Variants in RTKN2 observed in about 807,000 individuals in gnomAD.
The protein encoded by RTKN2 is rhotekin 2, also known as rhotekin-2.
RTKN2 carries 69 observed loss-of-function variants against 71.5 expected under a neutral mutation model. The ratio of observed to expected loss-of-function variants is 0.96; its 90% CI spans 0.79 to 1.18. The LOEUF (loss-of-function observed/expected upper bound fraction) is 1.18, where lower values mean the gene tolerates loss of function less well. RTKN2 is among the 50% of genes most tolerant of loss of function. The pLI is 0.00. For missense variants in RTKN2, 724 were observed against 719.7 expected (o/e 1.01, Z -0.07); for synonymous variants, 236 against 236.5 (o/e 1.00, Z 0.02).
intron 2 of RTKN2, among the ~76,000 whole-genome samples, chr10:62,260,892 C>A (rs527998582): frequency 6.6e-6 from 1 of 152,226 alleles, no homozygotes; most frequent in East Asian, 1.9e-4. Flanking sequence ...TCAAACTTTT[C>A]CATTGAAACT....
downstream of RTKN2, among the ~76,000 whole-genome samples, chr10:62,190,352 G>A (rs1312952765): frequency 6.6e-6 from 1 of 152,090 alleles, no homozygotes. Flanking sequence ...CCACTTACTG[G>A]GAGACTGTGA....
exon 9 of RTKN2, chr10:62,184,143 C>G (rs1841097531): frequency 4.0e-6 from 2 of 498,364 alleles, no homozygotes; most frequent in South Asian, 6.8e-5. Context: ...AAAATGTTTA[C>G]TCAATGACTC....
At chr10:62,256,698 GTGTGTC>G (rs1408471890) in intron 2 of RTKN2, among the ~76,000 whole-genome samples, 1 of 151,986 alleles carries the variant, frequency 6.6e-6, no homozygotes, top group Non-Finnish European at 1.5e-5. Context: ...GTATGCGTGT[GTGTGTC>G]TGTGTGTGTA....
Position 62,195,075 on chromosome 10 carries a change from A to C in RTKN2, c.*2833T>G. The C allele has an allele frequency of 1.0e-6, 1 of 984,344 alleles. No individual in the cohort carries two copies. Among genetic ancestry groups the C allele is most frequent in the Non-Finnish European group, 1.2e-6 (1 of 828,946 alleles). 61.0% of individuals were successfully genotyped at this position (984,344 alleles called of 1,614,324 possible). A position where few individuals can be genotyped will look rare whatever the true frequency, so the allele number is the denominator to read the frequency against. The stretch of plus-strand genomic sequence containing the variant: ...AAGATATTAAAATACAAAAGTTACC[A>C]CTTAGTAGCAATTAAAAATAATACT... On this transcript the variant is annotated 3_prime_UTR_variant, in exon 12 of 12. Coordinates refer to ENST00000373789, the MANE Select transcript of RTKN2 (RefSeq NM_145307.4).
At chr10:62,184,920 C>T (rs1841110654) in intron 8 of RTKN2, among the ~76,000 whole-genome samples, 2 of 152,146 alleles carry the variant, frequency 1.3e-5, no homozygotes, top group Admixed American at 1.3e-4. Flanking sequence ...GCCTGAAGCT[C>T]AATTAGAAAT....
In RTKN2 at chr10:62,262,735, A is replaced by C; in HGVS notation, c.147T>G (p.Asp49Glu). 1 of 1,613,262 alleles carries C rather than the reference A, an allele frequency of 6.2e-7. No individual in the cohort carries two copies. Among genetic ancestry groups the C allele is most frequent in the Non-Finnish European group, 8.5e-7 (1 of 1,179,284 alleles). Residue 49 changes from aspartate to glutamate, a missense_variant, in exon 2 of 12, where the codon GAT becomes GAG. By Grantham distance (45) the Asp-to-Glu change is conservative. Transcript: ENST00000373789. ...GATTCTTAACTGCATGTAAAACTTG[A>C]TCTTTCTGAGTGCTCAGAGAAAGGA... ...WKLLSLSTQK[D>E]QVLHAVKNLM...
rs1230143606 is a variant in RTKN2 at position 62,197,629 on chromosome 10, T to C, written c.*279A>G. ...TTCTGCCTAGGGCTTATTCACTGCC[T>C]GGTACTAATTCAGGAATAAATTAAC... On this transcript the variant is annotated 3_prime_UTR_variant, in exon 12 of 12. Transcript: ENST00000373789. 5.0e-6 allele frequency: 6 copies of C among 1,207,070 alleles called. No individual in the cohort carries two copies. In the Admixed American group the frequency reaches 2.5e-4, roughly 50 times the overall value. The allele number at this position is 1,207,070 out of a possible 1,614,324, so 74.8% of individuals were successfully genotyped here.
intron 6 of RTKN2, among the ~76,000 whole-genome samples, chr10:62,232,202 C>G (rs1477156712): frequency 6.6e-6 from 1 of 152,120 alleles, no homozygotes; most frequent in African/African-American, 2.4e-5. Flanking sequence ...AAAACAGACA[C>G]TCCAAGATCT....
chr10:62,226,547 A>G (rs1165864459), intron 6 of RTKN2, among the ~76,000 whole-genome samples: 1 of 152,220 alleles, frequency 6.6e-6, no homozygotes, highest in African/African-American at 2.4e-5. Context: ...AAAACAATGC[A>G]TGAGTACATT....
intron 10 of RTKN2, among the ~76,000 whole-genome samples, chr10:62,202,708 T>C (rs1424989624): frequency 2.0e-5 from 3 of 152,234 alleles, no homozygotes; most frequent in Admixed American, 6.5e-5. Context: ...GTCATGAGGT[T>C]CTTATTCTTT....
rs181011299 is a variant in RTKN2, at chr10:62,262,797, C to T, written c.85G>A (p.Asp29Asn). ...CCTTCTCGCATTCGAATTTCTAAGT[C>T]TATTTTTTCTTGAATGTTGCAGTCC... ...QQDCNIQEKI[D>N]LEIRMREGIW... Residue 29 changes from aspartate (D) to asparagine (N), a missense_variant, in exon 2 of 12, where the codon GAC becomes AAC. Physicochemically the swap from Asp to Asn is conservative, Grantham distance 23. Transcript: ENST00000373789. 2.4e-5 allele frequency: 38 copies of T among 1,606,844 alleles called. No homozygotes were observed. The East Asian group carries it at 7.6e-4, about 32-fold the overall frequency.
At chr10:62,186,359 C>T (rs1249798298) in intron 8 of RTKN2, among the ~76,000 whole-genome samples, 1 of 152,168 alleles carries the variant, frequency 6.6e-6, no homozygotes, top group Admixed American at 6.5e-5. Context: ...GTGAGTTAAA[C>T]TGGTGATTTA....
At chr10:62,190,139 C>T (rs113667919), downstream of RTKN2, among the ~76,000 whole-genome samples, 6 of 151,972 alleles carry the variant, frequency 3.9e-5, no homozygotes, top group South Asian at 2.1e-4. Flanking sequence ...GATCTAATTG[C>T]GAAGGAAATG....
intron 6 of RTKN2, among the ~76,000 whole-genome samples, chr10:62,230,793 A>C (rs73287430): frequency 0.021 from 3,257 of 152,246 alleles, 111 homozygotes; most frequent in African/African-American, 0.075. Context: ...GCCCCAGTGT[A>C]TTATATTGGC....
intron 9 of RTKN2, among the ~76,000 whole-genome samples, chr10:62,212,178 T>A (rs999706867): frequency 1.9e-4 from 29 of 151,792 alleles, no homozygotes; most frequent in Admixed American, 1.4e-3. Flanking sequence ...AGCTAGCTGT[T>A]TTGTAGGCAC....
intron 9 of RTKN2, among the ~76,000 whole-genome samples, chr10:62,212,033 T>C (rs1278806613): frequency 6.6e-6 from 1 of 152,150 alleles, no homozygotes; most frequent in Admixed American, 6.5e-5. Flanking sequence ...AACTGGTTTT[T>C]ATCCTTTGTT....
rs913374944 is a variant in RTKN2 at position 62,197,404 on chromosome 10, G to C, written c.*504C>G. ...CTATAAACTAGTGAGTTAAACAATA[G>C]ATGAGAGCCAGTGAACCATTAGATG... On this transcript the variant is annotated 3_prime_UTR_variant, in exon 12 of 12. Transcript: ENST00000373789. The C allele has an allele frequency of 1.0e-6, 1 of 986,108 alleles. No individual in the cohort carries two copies. Among genetic ancestry groups the C allele is most frequent in the African/African-American group, 1.7e-5 (1 of 57,220 alleles). 61.1% of individuals were successfully genotyped at this position (986,108 alleles called of 1,614,324 possible).
At chr10:62,221,706 G>A (rs1284707421) in intron 7 of RTKN2, among the ~76,000 whole-genome samples, 4 of 152,072 alleles carry the variant, frequency 2.6e-5, no homozygotes, top group African/African-American at 7.2e-5. Context: ...GTAGTAATAT[G>A]AAGTATATAG....
chr10:62,231,976 A>G (rs1352959537), intron 6 of RTKN2, among the ~76,000 whole-genome samples: 1 of 152,228 alleles, frequency 6.6e-6, no homozygotes, highest in Admixed American at 6.5e-5. Context: ...GAGTTAACCT[A>G]GTAGACTCTG....
Sources: allele counts gnomAD v4.1 joint callset (sites outside exome capture counted in the v4.1 genomes callset), GRCh38; gene constraint gnomAD v4.1.1; transcripts MANE v1.5; gene names NCBI Gene and HGNC (gene_info 2026-07-23, HGNC 2026-07-21).